PRKAG2: variants seen among roughly 807,000 people sequenced by gnomAD.
The protein encoded by PRKAG2 is protein kinase AMP-activated non-catalytic subunit gamma 2.
A neutral mutation model predicts 69.6 loss-of-function variants in PRKAG2; 26 were observed. The ratio of observed to expected loss-of-function variants is 0.37; its 90% CI spans 0.27 to 0.52. The LOEUF (loss-of-function observed/expected upper bound fraction) is 0.52. Ranked by LOEUF, PRKAG2 falls within the 20% of genes least tolerant of loss-of-function variation. The probability of loss-of-function intolerance (pLI) is 0.90; values close to 1 mark genes in which losing one functional copy is unlikely to be tolerated. For synonymous variants in PRKAG2, 293 were observed against 285.0 expected, an observed-to-expected ratio of 1.03 and a Z score of -0.28; for missense variants, 557 against 740.0, an observed-to-expected ratio of 0.75 and a Z score of 2.87.
intron 3 of PRKAG2, among the ~76,000 whole-genome samples, chr7:151,709,595 CAT>C (rs1424132881): frequency 3.3e-5 from 5 of 152,120 alleles, no homozygotes; most frequent in African/African-American, 9.7e-5. Context: ...GTGACAGTGA[CAT>C]GTGATACTGA....
intron 5 of PRKAG2, among the ~76,000 whole-genome samples, chr7:151,616,628 C>A (rs1820209513): frequency 6.6e-6 from 1 of 152,218 alleles, no homozygotes; most frequent in Admixed American, 6.5e-5. Context: ...CCCCGCCCTG[C>A]AGGAGTGTTT....
At chr7:151,722,629 G>A (rs893557894) in intron 3 of PRKAG2, among the ~76,000 whole-genome samples, 2 of 152,094 alleles carry the variant, frequency 1.3e-5, no homozygotes, top group East Asian at 1.9e-4. Context: ...GAAATGCCAT[G>A]AGACTCCCGT....
intron 3 of PRKAG2, among the ~76,000 whole-genome samples, chr7:151,750,096 CAA>C (rs35915808): frequency 4.9e-4 from 31 of 63,034 alleles, no homozygotes; most frequent in South Asian, 1.1e-3. Context: ...GACTCCATCT[CAA>C]AAAAAAAAAA....
chr7:151,705,918 C>T (rs796831571), intron 3 of PRKAG2, among the ~76,000 whole-genome samples: 4 of 152,158 alleles, frequency 2.6e-5, no homozygotes, highest in African/African-American at 9.6e-5. Context: ...ATCCCCCCGC[C>T]CCCCATCTGT....
chr7:151,602,448 A>G (rs574147454), intron 5 of PRKAG2, among the ~76,000 whole-genome samples: 1 of 152,354 alleles, frequency 6.6e-6, no homozygotes, highest in African/African-American at 2.4e-5. Context: ...TGAAAATAAT[A>G]TAGGGCAGGA....
In PRKAG2 at chr7:151,814,888, G is replaced by T. The variant is rs1248209971; in HGVS notation, c.115-28347C>A. On this transcript the variant is annotated intron_variant, in intron 1 of 15. Transcript: ENST00000287878. This position sits in a 1 kb window ranked among gnomAD's most constrained non-coding sequence, Gnocchi z 4.8. ...GAGGAAACTCCTTACCACACAGCAA[G>T]CCAGCAGGAGGGAGGGCTGGACCGG... 2.4e-6 allele frequency: 3 copies of T among 1,231,228 alleles called. No individual in the cohort carries two copies. Among genetic ancestry groups the T allele is most frequent in the African/African-American group, 3.1e-5 (2 of 64,432 alleles). The allele number at this position is 1,231,228 out of a possible 1,614,324, so 76.3% of individuals were successfully genotyped here. A position where few individuals can be genotyped will look rare whatever the true frequency, so the allele number is the denominator to read the frequency against.
At chr7:151,775,501 A>T (rs73160007) in intron 3 of PRKAG2, among the ~76,000 whole-genome samples, 1 of 152,090 alleles carries the variant, frequency 6.6e-6, no homozygotes, top group African/African-American at 2.4e-5. Context: ...TCCTTCCAAC[A>T]CATTGTTTGC....
intron 3 of PRKAG2, among the ~76,000 whole-genome samples, chr7:151,758,543 G>C (rs2075236435): frequency 6.6e-6 from 1 of 152,164 alleles, no homozygotes; most frequent in South Asian, 2.1e-4. Context: ...CTAGGAGCTG[G>C]GAGCCCACAG....
chr7:151,858,738 G>T lies in PRKAG2; in HGVS notation c.114+17769C>A, dbSNP rs1263470187. 2.0e-5 allele frequency among the ~76,000 whole-genome samples: 3 copies of T among 152,214 alleles called. No homozygotes were observed. In the East Asian group the frequency reaches 5.8e-4, roughly 29 times the overall value. On this transcript the variant is annotated intron_variant, in intron 1 of 15. Coordinates refer to ENST00000287878, the MANE Select transcript of PRKAG2 (RefSeq NM_016203.4). The stretch of plus-strand genomic sequence containing the variant: ...TGTGATTTGAAAGTTTTCCAGTGCT[G>T]AGATGGGTTTGGTTTGAGCCCCCAA...
chr7:151,754,892 G>C (rs1217621447), intron 3 of PRKAG2, among the ~76,000 whole-genome samples: 1 of 152,082 alleles, frequency 6.6e-6, no homozygotes, highest in Non-Finnish European at 1.5e-5. Context: ...AGTTGGAGCA[G>C]CGACCTGAAG....
intron 3 of PRKAG2, among the ~76,000 whole-genome samples, chr7:151,740,021 G>C (rs2073762081): frequency 6.6e-6 from 1 of 152,150 alleles, no homozygotes. Flanking sequence ...ACCCCAAAAA[G>C]ATAGGGGCCC....
intron 3 of PRKAG2, among the ~76,000 whole-genome samples, chr7:151,773,028 A>AAAGAGG (rs767583881): frequency 2.0e-5 from 1 of 50,892 alleles, no homozygotes; most frequent in Non-Finnish European, 3.5e-5. Context: ...AAAGAAAGAG[A>AAAGAGG]GAGAGAGAGA....
intron 3 of PRKAG2, among the ~76,000 whole-genome samples, chr7:151,721,846 G>A (rs1442158214): frequency 1.3e-5 from 2 of 152,046 alleles, no homozygotes. Flanking sequence ...AGTTCCCATG[G>A]TGACTCTGTA....
In PRKAG2 at chr7:151,781,878, T is replaced by C. The variant is rs1163243164; in HGVS notation, c.187-447A>G. 2.0e-5 allele frequency among the ~76,000 whole-genome samples: 3 copies of C among 152,140 alleles called. No homozygotes were observed. The highest frequency in any genetic ancestry group is 1.3e-4 in the Admixed American group (2 of 15,272). ...TTCCAGAACAGAGCGGGCCTGGAGCTCCATCCTGAGACCTCAGTCCTAGGT... is the reference window on the plus strand; with the variant it reads ...TTCCAGAACAGAGCGGGCCTGGAGCCCCATCCTGAGACCTCAGTCCTAGGT... On this transcript the variant is annotated intron_variant, in intron 2 of 15. Coordinates refer to ENST00000287878, the MANE Select transcript of PRKAG2 (RefSeq NM_016203.4). This position sits in a 1 kb window ranked among gnomAD's most constrained non-coding sequence, Gnocchi z 6.1.
intron 1 of PRKAG2, among the ~76,000 whole-genome samples, chr7:151,869,442 T>C (rs537106034): frequency 9.8e-5 from 15 of 152,314 alleles, no homozygotes; most frequent in African/African-American, 2.6e-4. Flanking sequence ...TCATCTACCA[T>C]GTAATGATGA....
intron 4 of PRKAG2, among the ~76,000 whole-genome samples, chr7:151,647,189 C>G (rs1196614661): frequency 6.6e-6 from 1 of 152,198 alleles, no homozygotes; most frequent in Non-Finnish European, 1.5e-5. Context: ...GAACGTGGGT[C>G]CTAGGTGACA....
intron 5 of PRKAG2, among the ~76,000 whole-genome samples, chr7:151,612,725 C>A (rs116483973): frequency 6.6e-6 from 1 of 152,218 alleles, no homozygotes. Context: ...TGATGCTCAG[C>A]GAGTGACCGT....
intron 6 of PRKAG2, among the ~76,000 whole-genome samples, chr7:151,578,897 G>T (rs925930466): frequency 6.6e-6 from 1 of 152,194 alleles, no homozygotes; most frequent in Non-Finnish European, 1.5e-5. Flanking sequence ...AGAATATAGT[G>T]GAAAAGTCGC....
Position 151,571,400 on chromosome 7 carries a change from G to C in PRKAG2, c.1052-1175C>G, listed in dbSNP as rs569818231. Among the ~76,000 whole-genome samples, 4 of 152,062 alleles carry C rather than the reference G, an allele frequency of 2.6e-5. No individual in the cohort carries two copies. The East Asian group carries it at 7.8e-4, about 30-fold the overall frequency. On this transcript the variant is annotated intron_variant, in intron 9 of 15. Coordinates refer to ENST00000287878, the MANE Select transcript of PRKAG2 (RefSeq NM_016203.4). Reference sequence around the variant, plus strand: ...AATTTTGTATTTTTAGTAGAGAGAGGGTTTCACCATGTTGGTCAGGCTGGT... The same window carrying C: ...AATTTTGTATTTTTAGTAGAGAGAGCGTTTCACCATGTTGGTCAGGCTGGT...
Sources: allele counts gnomAD v4.1 joint callset (sites outside exome capture counted in the v4.1 genomes callset), GRCh38; gene constraint gnomAD v4.1.1; non-coding constraint Gnocchi (gnomAD v3.1); transcripts MANE v1.5; gene names NCBI Gene and HGNC (gene_info 2026-07-23, HGNC 2026-07-21).